Variants in RFTN1 observed in about 807,000 individuals in gnomAD.
RFTN1 encodes the protein raftlin, lipid raft linker 1.
RFTN1 carries 26 observed loss-of-function variants against 46.5 expected under a neutral mutation model. The ratio of observed to expected loss-of-function variants is 0.56; its 90% CI spans 0.41 to 0.78. The LOEUF (loss-of-function observed/expected upper bound fraction) is 0.78, where lower values mean the gene tolerates loss of function less well. Ranked by LOEUF, RFTN1 falls within the 30% of genes least tolerant of loss-of-function variation. RFTN1 has a pLI of 0.00. For synonymous variants in RFTN1, 261 were observed against 284.2 expected, an observed-to-expected ratio of 0.92 and a Z score of 0.82; for missense variants, 693 against 718.7, an observed-to-expected ratio of 0.96 and a Z score of 0.41.
At chr3:16,365,720 TCTTAA>T (rs1310871594) in intron 6 of RFTN1, among the ~76,000 whole-genome samples, 1 of 152,154 alleles carries the variant, frequency 6.6e-6, no homozygotes, top group Non-Finnish European at 1.5e-5. Flanking sequence ...TTGTCATAAT[TCTTAA>T]CTTATCAAGG....
chr3:16,501,038 G>A (rs2076702268), intron 1 of RFTN1, among the ~76,000 whole-genome samples: 2 of 152,272 alleles, frequency 1.3e-5, no homozygotes, highest in South Asian at 2.1e-4. Flanking sequence ...TTGGGAGGCC[G>A]AGGTGAGAGA....
At chr3:16,340,293 G>A (rs1301132033) in intron 7 of RFTN1, among the ~76,000 whole-genome samples, 1 of 152,228 alleles carries the variant, frequency 6.6e-6, no homozygotes, top group Non-Finnish European at 1.5e-5. Context: ...GCACATTGGG[G>A]CTTGCCCACT....
intron 5 of RFTN1, among the ~76,000 whole-genome samples, chr3:16,375,219 G>A (rs1190317304): frequency 2.0e-5 from 3 of 152,104 alleles, no homozygotes; most frequent in Non-Finnish European, 4.4e-5. Flanking sequence ...GGGCCCGTGT[G>A]TGCCTGTGGG....
Position 16,317,385 on chromosome 3 carries a change from A to G in RFTN1, c.1333-153T>C, listed in dbSNP as rs2068521018. Among the ~76,000 whole-genome samples, 1 of 151,346 alleles carries G rather than the reference A, an allele frequency of 6.6e-6. No individual in the cohort carries two copies. The highest frequency in any genetic ancestry group is 1.5e-5 in the Non-Finnish European group (1 of 67,840). ...CAGGCAGTACAGGCACCAAACTTGA[A>G]TCGCACACTATCACATCACACCCAC... On this transcript the variant is annotated intron_variant, in intron 9 of 9. Transcript: ENST00000334133. The surrounding 1 kb of genome is among the most constrained non-coding windows in gnomAD (Gnocchi z 4.3).
In RFTN1 at chr3:16,344,318, G is replaced by A. The variant is rs1342989230; in HGVS notation, c.1146+13614C>T. ...TCAAAAAAGAAAGTGGATTAGATCA[G>A]TAATTTTCAAGGTTTTTTTTTTTTA... On this transcript the variant is annotated intron_variant, in intron 7 of 9. Transcript: ENST00000334133. The surrounding 1 kb of genome is among the most constrained non-coding windows in gnomAD (Gnocchi z 4.4). Among the ~76,000 whole-genome samples the A allele has an allele frequency of 6.8e-6, 1 of 147,458 alleles. No individual in the cohort carries two copies. The highest frequency in any genetic ancestry group is 2.5e-5 in the African/African-American group (1 of 39,744).
chr3:16,505,462 G>T (rs1456219707), intron 1 of RFTN1, among the ~76,000 whole-genome samples: 1 of 152,198 alleles, frequency 6.6e-6, no homozygotes, highest in Non-Finnish European at 1.5e-5. Context: ...TACCCAGATA[G>T]AGAGAGACAA....
rs903725845 is a variant in RFTN1, at chr3:16,443,639, A to C, written c.146-9602T>G. 1.1e-4 allele frequency among the ~76,000 whole-genome samples: 16 copies of C among 152,252 alleles called. 2 individuals are homozygous for C. The highest frequency in any genetic ancestry group is 1.0e-3 in the South Asian group (5 of 4,820). ...TTAAGTTGCCGGCCGCCGGACCACA[A>C]ATGACTGTTAAAGCATCAGGCTGTC... is the stretch of plus-strand genomic sequence containing the variant. On this transcript the variant is annotated intron_variant, in intron 2 of 9. Transcript: ENST00000334133. This position sits in a 1 kb window ranked among gnomAD's most constrained non-coding sequence, Gnocchi z 5.5.
At position 16,346,889 on chromosome 3, in the gene RFTN1, C is replaced by T. The variant is rs535679392; in HGVS notation, c.1146+11043G>A. ...ATGGCAACATCTGGATCCCTGGTGG[C>T]ATCTTTAAGCTGTTGACAAAGCTGA... On this transcript the variant is annotated intron_variant, in intron 7 of 9. Transcript: ENST00000334133. The surrounding 1 kb of genome is among the most constrained non-coding windows in gnomAD (Gnocchi z 4.4). Among the ~76,000 whole-genome samples the T allele has an allele frequency of 7.2e-5, 11 of 152,244 alleles. No individual in the cohort carries two copies. The East Asian group carries it at 1.9e-3, about 27-fold the overall frequency.
chr3:16,425,102 G>C lies in RFTN1; in HGVS notation c.332+8749C>G, dbSNP rs1459843092. On this transcript the variant is annotated intron_variant, in intron 3 of 9. Transcript: ENST00000334133. The surrounding 1 kb of genome is among the most constrained non-coding windows in gnomAD (Gnocchi z 4.3). ...TTAATATGAGACAGACATATAAATA[G>C]AAAACTCCAACGCTTTAGTAAAATT... Among the ~76,000 whole-genome samples, 3 of 152,256 alleles carry C rather than the reference G, an allele frequency of 2.0e-5. No individual in the cohort carries two copies. The highest frequency in any genetic ancestry group is 7.2e-5 in the African/African-American group (3 of 41,546).
rs2075756912 is a variant in RFTN1, at chr3:16,447,707, A to G, written c.146-13670T>C. On this transcript the variant is annotated intron_variant, in intron 2 of 9. Coordinates refer to ENST00000334133, the MANE Select transcript of RFTN1 (RefSeq NM_015150.2). The surrounding 1 kb of genome is among the most constrained non-coding windows in gnomAD (Gnocchi z 5.9). The stretch of plus-strand genomic sequence containing the variant: ...TCAGGGGGATGTTCTTCAGACTAAT[A>G]CAACGAAGCAATCAGGTGAAAATCA... Among the ~76,000 whole-genome samples, 1 of 152,244 alleles carries G rather than the reference A, an allele frequency of 6.6e-6. No homozygotes were observed. The highest frequency in any genetic ancestry group is 2.4e-5 in the African/African-American group (1 of 41,468).
chr3:16,442,273 T>G lies in RFTN1; in HGVS notation c.146-8236A>C, dbSNP rs1575298604. Among the ~76,000 whole-genome samples the G allele has an allele frequency of 6.6e-6, 1 of 152,206 alleles. No individual in the cohort carries two copies. The highest frequency in any genetic ancestry group is 1.5e-5 in the Non-Finnish European group (1 of 68,042). Reference sequence around the variant, plus strand: ...AAGTGAACTATTTGGTGGCGTTTAGTATCTTCATGATGTTGCACAACCATC... The same window carrying G: ...AAGTGAACTATTTGGTGGCGTTTAGGATCTTCATGATGTTGCACAACCATC... On this transcript the variant is annotated intron_variant, in intron 2 of 9. Coordinates refer to ENST00000334133, the MANE Select transcript of RFTN1 (RefSeq NM_015150.2). The surrounding 1 kb of genome is among the most constrained non-coding windows in gnomAD (Gnocchi z 4.1).
At chr3:16,403,357 G>T (rs1024379306) in intron 4 of RFTN1, among the ~76,000 whole-genome samples, 2 of 151,392 alleles carry the variant, frequency 1.3e-5, no homozygotes, top group Non-Finnish European at 2.9e-5. Context: ...CTGTGTCTCA[G>T]TTTCTTCATC....
At position 16,387,143 on chromosome 3, in the gene RFTN1, T is replaced by G. The variant is rs554202200; in HGVS notation, c.442-9041A>C. Among the ~76,000 whole-genome samples the G allele has an allele frequency of 6.6e-6, 1 of 152,164 alleles. No homozygotes were observed. Among genetic ancestry groups the G allele is most frequent in the South Asian group, 2.1e-4 (1 of 4,814 alleles). ...TCACATGACCCACTGCTTCCATCACTCTCCTCCTATTATATCCTTGGCTTT... is the reference window on the plus strand; with the variant it reads ...TCACATGACCCACTGCTTCCATCACGCTCCTCCTATTATATCCTTGGCTTT... On this transcript the variant is annotated intron_variant, in intron 4 of 9. Transcript: ENST00000334133. The surrounding 1 kb of genome is among the most constrained non-coding windows in gnomAD (Gnocchi z 5.2).
chr3:16,436,865 A>T (rs1231898371), intron 2 of RFTN1, among the ~76,000 whole-genome samples: 1 of 152,210 alleles, frequency 6.6e-6, no homozygotes, highest in African/African-American at 2.4e-5. Flanking sequence ...AAATCTTCCT[A>T]TATTCCTGTT....
chr3:16,373,117 T>C (rs1027841296), intron 5 of RFTN1, among the ~76,000 whole-genome samples: 1 of 152,200 alleles, frequency 6.6e-6, no homozygotes, highest in Non-Finnish European at 1.5e-5. Context: ...TTGTTTAAAT[T>C]TTCTCAGCTG....
At position 16,404,288 on chromosome 3, in the gene RFTN1, TAATA is replaced by T. The variant is rs1463691096; in HGVS notation, c.441+5083_441+5086del. On this transcript the variant is annotated intron_variant, in intron 4 of 9. Coordinates refer to ENST00000334133, the MANE Select transcript of RFTN1 (RefSeq NM_015150.2). ...TATAATATATATAATATGTAATATA[TAATA>T]TATATAATATGTAATATATATTATA... Among the ~76,000 whole-genome samples, 24 of 22,224 alleles carry T rather than the reference TAATA, an allele frequency of 1.1e-3. 7 individuals are homozygous for T. The highest frequency in any genetic ancestry group is 1.7e-3 in the Non-Finnish European group (23 of 13,440). 14.6% of individuals were successfully genotyped at this position (22,224 alleles called of 152,430 possible).
chr3:16,409,938 T>G (rs1325879145), intron 3 of RFTN1, among the ~76,000 whole-genome samples: 2 of 151,844 alleles, frequency 1.3e-5, no homozygotes, highest in African/African-American at 4.8e-5. Context: ...CCGCCCGCCT[T>G]GGCCTCCCAA....
chr3:16,346,448 C>T lies in RFTN1; in HGVS notation c.1146+11484G>A, dbSNP rs1343053322. 6.6e-6 allele frequency: 1 copy of T among 152,154 alleles called. No homozygotes were observed. The highest frequency in any genetic ancestry group is 1.9e-4 in the East Asian group (1 of 5,192). The allele number at this position is 152,154 out of a possible 1,614,324, so 9.4% of individuals were successfully genotyped here. On this transcript the variant is annotated intron_variant, in intron 7 of 9. Coordinates refer to ENST00000334133, the MANE Select transcript of RFTN1 (RefSeq NM_015150.2). This position sits in a 1 kb window ranked among gnomAD's most constrained non-coding sequence, Gnocchi z 4.4. ...TTAAAGGTCAAATACTTCCTTTTGTCATCTCATTATCCAAACCGTCAACAA... is the reference window on the plus strand; with the variant it reads ...TTAAAGGTCAAATACTTCCTTTTGTTATCTCATTATCCAAACCGTCAACAA...
chr3:16,441,578 G>A (rs1341765448), intron 2 of RFTN1, among the ~76,000 whole-genome samples: 1 of 152,160 alleles, frequency 6.6e-6, no homozygotes, highest in Non-Finnish European at 1.5e-5. Flanking sequence ...ACCGCATACA[G>A]CAACTGCCCA....
Sources: gnomAD v4.1 joint callset for allele counts (sites outside exome capture counted in the v4.1 genomes callset) on GRCh38, gnomAD v4.1.1 for gene constraint, Gnocchi (gnomAD v3.1) non-coding constraint, MANE v1.5 for transcripts, NCBI Gene and HGNC (gene_info 2026-07-23, HGNC 2026-07-21) for gene names.